Variants in CNTN5 observed in about 807,000 individuals in gnomAD.
CNTN5 encodes contactin 5, also known as contactin-5.
In CNTN5, 77 loss-of-function variants were observed where a neutral mutation model predicts 129.1. The observed-to-expected ratio is 0.60, with a 90% confidence interval of 0.50 to 0.72. CNTN5 has a LOEUF of 0.72. Ranked by LOEUF, CNTN5 falls within the 30% of genes least tolerant of loss-of-function variation. CNTN5 has a pLI of 0.00. For synonymous variants in CNTN5, 509 were observed against 465.6 expected (o/e 1.09, Z -1.20); for missense variants, 1,478 against 1,328.8 (o/e 1.11, Z -1.75).
At chr11:99,922,173 C>G (rs758502727) in intron 7 of CNTN5, among the ~76,000 whole-genome samples, 3 of 152,152 alleles carry the variant, frequency 2.0e-5, no homozygotes, top group Non-Finnish European at 4.4e-5. Context: ...GTGCGTCTTA[C>G]GTGGTGGCAG....
intron 17 of CNTN5, among the ~76,000 whole-genome samples, chr11:100,264,514 G>C (rs986476769): frequency 6.6e-6 from 1 of 152,116 alleles, no homozygotes; most frequent in Non-Finnish European, 1.5e-5. Flanking sequence ...AGTTTGTCGA[G>C]GATGATGGCT....
intron 2 of CNTN5, among the ~76,000 whole-genome samples, chr11:99,508,546 T>G (rs1290294340): frequency 6.6e-6 from 1 of 152,158 alleles, no homozygotes; most frequent in African/African-American, 2.4e-5. Flanking sequence ...CCACAGGGTT[T>G]GCGGAGCCCT....
chr11:99,584,226 T>C (rs1949715510), intron 3 of CNTN5, among the ~76,000 whole-genome samples: 1 of 152,198 alleles, frequency 6.6e-6, no homozygotes, highest in Non-Finnish European at 1.5e-5. Context: ...ATATAGTACA[T>C]TACCGGGACA....
chr11:99,511,063 A>G (rs953741496), intron 2 of CNTN5, among the ~76,000 whole-genome samples: 3 of 151,376 alleles, frequency 2.0e-5, no homozygotes, highest in Non-Finnish European at 2.9e-5. Context: ...TTTAATTTAA[A>G]AAGCGTAAAC....
intron 3 of CNTN5, among the ~76,000 whole-genome samples, chr11:99,812,614 C>T (rs759803713): frequency 6.6e-6 from 1 of 152,094 alleles, no homozygotes; most frequent in African/African-American, 2.4e-5. Context: ...AATCACAGAG[C>T]TATTCCTCTC....
chr11:99,687,828 AAGT>A (rs1953861598), intron 3 of CNTN5, among the ~76,000 whole-genome samples: 1 of 152,210 alleles, frequency 6.6e-6, no homozygotes. Flanking sequence ...ACAAAAGTGA[AAGT>A]AGATTCAGGT....
chr11:100,300,030 T>C (rs1951184380), intron 20 of CNTN5, among the ~76,000 whole-genome samples: 2 of 151,532 alleles, frequency 1.3e-5, no homozygotes, highest in Non-Finnish European at 3.0e-5. Flanking sequence ...AACCACTAAC[T>C]CCTTGATTTT....
At chr11:100,169,267 A>T (rs1947751267) in intron 13 of CNTN5, among the ~76,000 whole-genome samples, 1 of 151,992 alleles carries the variant, frequency 6.6e-6, no homozygotes, top group Admixed American at 6.6e-5. Context: ...TGAAGTATGA[A>T]CCAACAGCAT....
chr11:99,734,929 A>AC (rs1216771078), intron 3 of CNTN5, among the ~76,000 whole-genome samples: 12 of 152,252 alleles, frequency 7.9e-5, no homozygotes, highest in African/African-American at 2.9e-4. Context: ...AATGGCGTGA[A>AC]GCCGGGAGGC....
chr11:99,854,815 G>A (rs535013528), intron 6 of CNTN5, among the ~76,000 whole-genome samples: 11 of 152,158 alleles, frequency 7.2e-5, no homozygotes, highest in African/African-American at 2.4e-4. Flanking sequence ...TTTCACCAAC[G>A]ACAATTTGTG....
At chr11:99,330,156 G>A (rs537192289) in intron 2 of CNTN5, among the ~76,000 whole-genome samples, 1 of 150,258 alleles carries the variant, frequency 6.7e-6, no homozygotes, top group African/African-American at 2.4e-5. Context: ...AGAAAAGAAA[G>A]GAAGGAAGGG....
At chr11:99,494,147 C>T (rs887525260) in intron 2 of CNTN5, among the ~76,000 whole-genome samples, 2 of 152,098 alleles carry the variant, frequency 1.3e-5, no homozygotes, top group African/African-American at 2.4e-5. Flanking sequence ...CGAATTCTCC[C>T]CTGGATCTGA....
At chr11:100,310,217 G>A (rs933626862) in intron 21 of CNTN5, among the ~76,000 whole-genome samples, 1 of 151,918 alleles carries the variant, frequency 6.6e-6, no homozygotes, top group Non-Finnish European at 1.5e-5. Flanking sequence ...TGGGGCAGAC[G>A]TCTGGTGTGC....
intron 4 of CNTN5, among the ~76,000 whole-genome samples, chr11:99,822,924 C>T (rs1211716970): frequency 6.6e-6 from 1 of 152,214 alleles, no homozygotes; most frequent in Non-Finnish European, 1.5e-5. Flanking sequence ...CTGGCTTGCT[C>T]ATATTAATGG....
At chr11:99,361,444 T>A (rs1939105079) in intron 2 of CNTN5, among the ~76,000 whole-genome samples, 1 of 152,156 alleles carries the variant, frequency 6.6e-6, no homozygotes, top group Non-Finnish European at 1.5e-5. Flanking sequence ...TGTGATTTGA[T>A]CATATCAGGG....
intron 3 of CNTN5, among the ~76,000 whole-genome samples, chr11:99,585,489 T>C (rs1346645978): frequency 1.3e-5 from 2 of 152,104 alleles, no homozygotes; most frequent in Non-Finnish European, 2.9e-5. Context: ...AAAAATATGG[T>C]TATTTAAAAA....
intron 3 of CNTN5, among the ~76,000 whole-genome samples, chr11:99,586,940 G>T (rs1218852620): frequency 1.3e-5 from 2 of 152,204 alleles, no homozygotes; most frequent in Non-Finnish European, 2.9e-5. Context: ...CCTAGGCAGA[G>T]AATCATCAAC....
chr11:99,809,657 C>T (rs1420558995), intron 3 of CNTN5, among the ~76,000 whole-genome samples: 1 of 152,044 alleles, frequency 6.6e-6, no homozygotes, highest in Non-Finnish European at 1.5e-5. Context: ...GAACTTGATA[C>T]TGAACATAAT....
At chr11:99,205,413 C>T (rs1393811696) in intron 1 of CNTN5, among the ~76,000 whole-genome samples, 4 of 152,124 alleles carry the variant, frequency 2.6e-5, no homozygotes, top group Admixed American at 6.5e-5. Flanking sequence ...CTTCCCTTAG[C>T]TCCCCAAGAT....
Sources: gnomAD v4.1 joint callset for allele counts (sites outside exome capture counted in the v4.1 genomes callset) on GRCh38, gnomAD v4.1.1 for gene constraint, MANE v1.5 for transcripts, NCBI Gene and HGNC (gene_info 2026-07-23, HGNC 2026-07-21) for gene names.